The following RORC variants were observed in gnomAD, a reference collection of about 807,000 sequenced individuals.
RORC encodes RAR related orphan receptor C, also known as nuclear receptor ROR-gamma.
In RORC, 13 loss-of-function variants were observed where a neutral mutation model predicts 64.5. The observed-to-expected ratio is 0.20, with a 90% CI of 0.13 to 0.32. RORC has a LOEUF of 0.32. RORC is among the 10% of genes least tolerant of loss of function. RORC has a pLI of 1.00. For missense variants in RORC, 468 were observed against 669.5 expected (o/e 0.70, Z 3.32); for synonymous variants, 277 against 259.3 (o/e 1.07, Z -0.65).
At position 151,822,818 on chromosome 1, in the gene RORC, G is replaced by A. The variant is rs149188663; in HGVS notation, c.71-5538C>T. Among the ~76,000 whole-genome samples the A allele has an allele frequency of 3.5e-4, 53 of 152,362 alleles. No homozygotes were observed. The East Asian group carries it at 0.01, about 29-fold the overall frequency. ...ATCCTTTTTGAGCCTCAGAGCCCCA[G>A]GGAAGGGGCTGCACTGCAGCAGCAG... On this transcript the variant is annotated intron_variant, in intron 2 of 10. Coordinates refer to ENST00000318247, the MANE Select transcript of RORC (RefSeq NM_005060.4).
At chr1:151,827,190 G>C (rs746721887) in intron 2 of RORC, among the ~76,000 whole-genome samples, 24 of 152,244 alleles carry the variant, frequency 1.6e-4, no homozygotes, top group Non-Finnish European at 2.6e-4. Context: ...GTGAGACACA[G>C]AGAGGTTAAG....
chr1:151,813,105 T>C (rs375612566), intron 8 of RORC, 48 bp from the exon 9 acceptor site: 12 of 1,510,406 alleles, frequency 7.9e-6, no homozygotes, highest in Middle Eastern at 1.8e-4. Flanking sequence ...GGAGCGATGG[T>C]GCCCGAGGAC....
At chr1:151,810,499 T>C (rs1651479981) in intron 10 of RORC, among the ~76,000 whole-genome samples, 1 of 152,036 alleles carries the variant, frequency 6.6e-6, no homozygotes, top group Admixed American at 6.6e-5. Flanking sequence ...ATCTTGCATT[T>C]AAGTCACTGA....
At chr1:151,810,953 CTA>C (rs960585972) in intron 10 of RORC, among the ~76,000 whole-genome samples, 1 of 152,142 alleles carries the variant, frequency 6.6e-6, no homozygotes, top group African/African-American at 2.4e-5. Flanking sequence ...ACATTCTACT[CTA>C]TGTTAGAGTT....
rs144219320 is a variant in RORC at position 151,815,013 on chromosome 1, C to A, written c.711G>T (p.Arg237Ser). 3.7e-6 allele frequency: 6 copies of A among 1,614,110 alleles called. No individual in the cohort carries two copies. The highest frequency in any genetic ancestry group is 1.7e-5 in the Admixed American group (1 of 60,008). The change falls in exon 5 of 11, where the codon AGG (arginine) becomes AGT (serine). Residue 237 changes from arginine (R) to serine (S), a missense_variant. Around this residue, in one of 5 missense-constraint regions of RORC, gnomAD observed 241 missense variants for 295.5 expected, o/e 0.82. Coordinates refer to ENST00000318247, the MANE Select transcript of RORC (RefSeq NM_005060.4). Reference sequence around the variant, plus strand: ...GTCCCAGTTCCCCAAGCCCAGGATGCCTGTGTTCCTCAAAACGAAGTCCAC... The same window carrying A: ...GTCCCAGTTCCCCAAGCCCAGGATGACTGTGTTCCTCAAAACGAAGTCCAC... Reference protein sequence around the residue: ...DRCGLRFEEHRHPGLGELGQG... With the variant: ...DRCGLRFEEHSHPGLGELGQG...
At chr1:151,824,457 C>T (rs1327458211) in intron 2 of RORC, among the ~76,000 whole-genome samples, 1 of 152,200 alleles carries the variant, frequency 6.6e-6, no homozygotes, top group Non-Finnish European at 1.5e-5. Context: ...ACCAGTCTGC[C>T]AGCGTTTGCT....
intron 2 of RORC, among the ~76,000 whole-genome samples, chr1:151,821,150 A>G (rs1487913577): frequency 6.6e-6 from 1 of 152,156 alleles, no homozygotes; most frequent in Admixed American, 6.5e-5. Context: ...ATTCAATGAT[A>G]GTGCTTTGAG....
chr1:151,817,660 G>A lies in RORC; in HGVS notation c.71-380C>T, dbSNP rs1005615482. On this transcript the variant is annotated intron_variant, in intron 2 of 10. Transcript: ENST00000318247. ...GGCCTCACAACACCTGCTTCCCGCC[G>A]AAGGGGCTTCCTCTGTGCCTCCCTC... Among the ~76,000 whole-genome samples the A allele has an allele frequency of 4.6e-5, 7 of 152,246 alleles. No homozygotes were observed. The East Asian group carries it at 1.3e-3, about 29-fold the overall frequency.
Position 151,816,679 on chromosome 1 carries a change from C to A in RORC, c.283G>T (p.Gly95Cys). 1 of 1,605,536 alleles carries A rather than the reference C, an allele frequency of 6.2e-7. No homozygotes were observed. The highest frequency in any genetic ancestry group is 1.1e-5 in the South Asian group (1 of 89,238). ...HCRLQKCLAL[G>C]MSRDAVKFGR... ...TTGGCCTCACCATCTCGGGACATGC[C>A]CAGCGCCAGGCATTTCTGCAGGCGG... is the stretch of plus-strand genomic sequence containing the variant. The change falls in exon 4 of 11, where the codon GGC (glycine) becomes TGC (cysteine). Residue 95 changes from glycine (G) to cysteine (C), a missense_variant. Physicochemically the swap from Gly to Cys is radical, Grantham distance 159 (BLOSUM62 -3). Transcript: ENST00000318247.
intron 1 of RORC, 70 bp downstream of exon 1, chr1:151,831,655 T>C: frequency 6.2e-7 from 1 of 1,608,208 alleles, no homozygotes; most frequent in Admixed American, 1.7e-5. Flanking sequence ...CCCAGTCTCT[T>C]GCCATTTCTG....
At chr1:151,831,555 C>T (rs1333554363) in intron 1 of RORC, 170 bp downstream of exon 1, 1 of 706,704 alleles carries the variant, frequency 1.4e-6, no homozygotes, top group African/African-American at 1.9e-5. Flanking sequence ...TCCCCAGCCC[C>T]TCCTCCTGTT....
At chr1:151,809,200 A>G (rs1311481234) in intron 10 of RORC, among the ~76,000 whole-genome samples, 1 of 151,784 alleles carries the variant, frequency 6.6e-6, no homozygotes, top group East Asian at 1.9e-4. Flanking sequence ...GGAGTTCGAG[A>G]CCAGCCTGGC....
intron 2 of RORC, among the ~76,000 whole-genome samples, chr1:151,829,212 T>A (rs1652313839): frequency 6.6e-6 from 1 of 151,990 alleles, no homozygotes; most frequent in Non-Finnish European, 1.5e-5. Context: ...CTGGTTTCTT[T>A]ACAGTGTTTC....
At chr1:151,814,356 T>C (rs1572037208) in intron 6 of RORC, 6 of 502,296 alleles carry the variant, frequency 1.2e-5, no homozygotes, top group South Asian at 5.9e-5. Flanking sequence ...ACAATTTTAA[T>C]AGGCAAGAAC....
chr1:151,828,083 C>A (rs1652266759), intron 2 of RORC, among the ~76,000 whole-genome samples: 1 of 152,278 alleles, frequency 6.6e-6, no homozygotes, highest in South Asian at 2.1e-4. Flanking sequence ...AGCAAAGCAA[C>A]CCCCACCCAG....
chr1:151,812,618 C>T (rs1423016790), intron 9 of RORC: 1 of 214,158 alleles, frequency 4.7e-6, no homozygotes, highest in Non-Finnish European at 9.4e-6. Flanking sequence ...TTTAAAGCTC[C>T]CCAGGTGATT....
In RORC at chr1:151,813,530, T is replaced by C; in HGVS notation, c.1024A>G (p.Met342Val). ...ATCTGGTCATTCTGGCAGAGCTCCA[T>C]AAAGCCTGAGAGCCTCTTGGCGAAC... is the stretch of plus-strand genomic sequence containing the variant. ...VEFAKRLSGFMELCQNDQIVL... is the reference protein window; with the variant it reads ...VEFAKRLSGFVELCQNDQIVL... The change falls in exon 7 of 11, where the codon ATG (methionine) becomes GTG (valine). Residue 342 changes from methionine (M) to valine (V), a missense_variant. Coordinates refer to ENST00000318247, the MANE Select transcript of RORC (RefSeq NM_005060.4). 1 of 1,614,138 alleles carries C rather than the reference T, an allele frequency of 6.2e-7. No homozygotes were observed. The highest frequency in any genetic ancestry group is 1.7e-5 in the Admixed American group (1 of 60,008).
intron 9 of RORC, chr1:151,812,386 G>A (rs1170776479): frequency 6.5e-6 from 1 of 153,066 alleles, no homozygotes; most frequent in Non-Finnish European, 1.5e-5. Context: ...TAGGCTTTGT[G>A]TTATATGCTT....
Position 151,807,439 on chromosome 1 carries a change from C to A in RORC, c.*33G>T. 6.2e-7 allele frequency: 1 copy of A among 1,609,954 alleles called. No homozygotes were observed. Among genetic ancestry groups the A allele is most frequent in the Non-Finnish European group, 8.5e-7 (1 of 1,177,266 alleles). On this transcript the variant is annotated 3_prime_UTR_variant, in exon 11 of 11. Coordinates refer to ENST00000318247, the MANE Select transcript of RORC (RefSeq NM_005060.4). The surrounding 1 kb of genome is among the most constrained non-coding windows in gnomAD (Gnocchi z 5.0). The stretch of plus-strand genomic sequence containing the variant: ...GGGTCCAGGGAGGTGGGCCAGCAGG[C>A]CATAGGGAGAGGCAAGGAGTCCCTC...
Sources: gnomAD v4.1 joint callset for allele counts (sites outside exome capture counted in the v4.1 genomes callset) on GRCh38, gnomAD v4.1.1 for gene constraint, gnomAD v4.1.1 regional missense constraint, Gnocchi (gnomAD v3.1) non-coding constraint, MANE v1.5 for transcripts, NCBI Gene and HGNC (gene_info 2026-07-23, HGNC 2026-07-21) for gene names.